Variants in POLD2 observed in about 807,000 individuals in gnomAD.
The protein encoded by POLD2 is DNA polymerase delta subunit 2.
Under a neutral mutation model 48.8 loss-of-function variants are expected in POLD2, and 31 were observed. That is an observed-to-expected ratio of 0.64 (90% CI 0.48 to 0.86). The LOEUF is 0.86. Among genes scored for constraint, POLD2 ranks in the 40% least tolerant of loss-of-function variants. The probability of loss-of-function intolerance (pLI) is 0.00; values close to 1 mark genes in which losing one functional copy is unlikely to be tolerated. For synonymous variants in POLD2, 233 were observed against 256.3 expected, an observed-to-expected ratio of 0.91 and a Z score of 0.87; for missense variants, 455 against 610.1, an observed-to-expected ratio of 0.75 and a Z score of 2.68.
chr7:44,116,378 C>T lies in POLD2; in HGVS notation c.861+52G>A, dbSNP rs2096239361. 4 of 1,584,620 alleles carry T rather than the reference C, an allele frequency of 2.5e-6. No individual in the cohort carries two copies. The highest frequency in any genetic ancestry group is 3.4e-6 in the Non-Finnish European group (4 of 1,163,022). ...CTGCCTGCCTTCTGTTGCCCAGTGGCAGCTTTGAAGACTGCAATCCCCATC... is the reference window on the plus strand; with the variant it reads ...CTGCCTGCCTTCTGTTGCCCAGTGGTAGCTTTGAAGACTGCAATCCCCATC... On this transcript the variant is annotated intron_variant, in intron 7 of 10. Transcript: ENST00000610533. The surrounding 1 kb of genome is among the most constrained non-coding windows in gnomAD (Gnocchi z 6.1).
chr7:44,115,979 T>A (rs2096238462), intron 8 of POLD2, 86 bp from the exon 9 acceptor site: 20 of 1,602,516 alleles, frequency 1.2e-5, no homozygotes, highest in African/African-American at 2.7e-5. Context: ...CTTGTGGGGA[T>A]GCCCCAGAGA....
chr7:44,117,063 C>A, intron 5 of POLD2, 48 bp from the exon 6 acceptor site: 1 of 1,608,500 alleles, frequency 6.2e-7, no homozygotes, highest in Non-Finnish European at 8.5e-7. Flanking sequence ...GGGAGGCAGC[C>A]CCTCCTAGGT....
At chr7:44,123,779 C>A (rs779215026), upstream of POLD2, 9 of 1,220,484 alleles carry the variant, frequency 7.4e-6, no homozygotes, top group African/African-American at 1.6e-5. Context: ...GGTTGGCGGC[C>A]GCGCGTGCAG....
Position 44,116,928 on chromosome 7 carries a change from C to G in POLD2, c.669G>C (p.Thr223=), listed in dbSNP as rs201815146. ...LGTQLLVDVV[T]GQLGDEGEQC... is the part of the protein sequence containing the mutation. ...GCTCCCCTTCGTCCCCAAGCTGCCC[C>G]GTCACCACATCCACCAGCAGCTGGG... The change falls in exon 6 of 11, where the codon ACG becomes ACC. Residue 223 remains threonine, a synonymous_variant. Transcript: ENST00000610533. This position sits in a 1 kb window ranked among gnomAD's most constrained non-coding sequence, Gnocchi z 6.1. 6.2e-7 allele frequency: 1 copy of G among 1,613,910 alleles called. No individual in the cohort carries two copies. Among genetic ancestry groups the G allele is most frequent in the Admixed American group, 1.7e-5 (1 of 60,026 alleles).
intron 1 of POLD2, chr7:44,123,181 G>A (rs1583572047): frequency 8.5e-7 from 1 of 1,178,474 alleles, no homozygotes. Flanking sequence ...ACACCTACTA[G>A]AAAGTTAAAA....
At chr7:44,118,165 G>A in intron 2 of POLD2, 101 bp from the exon 3 acceptor site, 2 of 1,270,168 alleles carry the variant, frequency 1.6e-6, no homozygotes, top group East Asian at 2.7e-5. Context: ...CAATCACAGG[G>A]CCCTGGCCTT....
At chr7:44,115,594 G>GA in intron 9 of POLD2, 172 bp downstream of exon 9, 1 of 815,300 alleles carries the variant, frequency 1.2e-6, no homozygotes, top group Middle Eastern at 3.7e-4. Flanking sequence ...ATTGGCCTTA[G>GA]AATTAAGATT....
intron 9 of POLD2, 70 bp downstream of exon 9, chr7:44,115,696 C>G: frequency 1.9e-6 from 3 of 1,553,212 alleles, no homozygotes; most frequent in Non-Finnish European, 2.6e-6. Context: ...ACAGGGGGAC[C>G]CTGTGCACTT....
Position 44,116,768 on chromosome 7 carries a change from C to T in POLD2, c.780+49G>A. On this transcript the variant is annotated intron_variant, in intron 6 of 10. Transcript: ENST00000610533. This position sits in a 1 kb window ranked among gnomAD's most constrained non-coding sequence, Gnocchi z 6.1. ...CCCTGGGGAAGGAGGGTCTTACAGG[C>T]TTGCAGGCTCCTGGGCTGGGGCTGA... 9 of 1,594,504 alleles carry T rather than the reference C, an allele frequency of 5.6e-6. No individual in the cohort carries two copies. The highest frequency in any genetic ancestry group is 7.7e-6 in the Non-Finnish European group (9 of 1,165,412).
At position 44,117,175 on chromosome 7, in the gene POLD2, T is replaced by C. The variant is rs1229553586; in HGVS notation, c.539A>G (p.Asp180Gly). ...GGGTGCGGGCTTCTGGGGAGCAAGG[T>C]CAGCAAAGCAATAGTCCTCCACCAG... ...KFLVEDYCFA[D>G]LAPQKPAPPL... Residue 180 changes from aspartate (D) to glycine (G), a missense_variant, in exon 5 of 11, where the codon GAC becomes GGC. By Grantham distance (94) the Asp-to-Gly change is moderately conservative. This residue lies in a region of POLD2 where 349 missense variants were observed against 437.4 expected (regional missense o/e 0.80). Transcript: ENST00000610533. 6.2e-7 allele frequency: 1 copy of C among 1,613,936 alleles called. No homozygotes were observed. The highest frequency in any genetic ancestry group is 1.1e-5 in the South Asian group (1 of 91,068).
In POLD2 at chr7:44,116,016, T is replaced by G. The variant is rs1430419271; in HGVS notation, c.1019+99A>C. Reference sequence around the variant, plus strand: ...AAGGAACAGATGCTAGGTGGGCCTCTGCAGCCCTGCCACCTTCCTGGGCCC... The same window carrying G: ...AAGGAACAGATGCTAGGTGGGCCTCGGCAGCCCTGCCACCTTCCTGGGCCC... On this transcript the variant is annotated intron_variant, in intron 8 of 10. Transcript: ENST00000610533. This position sits in a 1 kb window ranked among gnomAD's most constrained non-coding sequence, Gnocchi z 6.1. 8.1e-6 allele frequency: 13 copies of G among 1,596,032 alleles called. No homozygotes were observed. Among genetic ancestry groups the G allele is most frequent in the Non-Finnish European group, 1.1e-5 (13 of 1,166,164 alleles).
chr7:44,116,697 G>A lies in POLD2; in HGVS notation c.780+120C>T. The A allele has an allele frequency of 8.8e-7, 1 of 1,142,604 alleles. No homozygotes were observed. The highest frequency in any genetic ancestry group is 1.3e-6 in the Non-Finnish European group (1 of 791,550). 70.8% of individuals were successfully genotyped at this position (1,142,604 alleles called of 1,614,324 possible). ...TGCAGGAGGCCCCAGAGTCACTGCA[G>A]GGCGCTTCCCACCGACCTGCGAGAC... On this transcript the variant is annotated intron_variant, in intron 6 of 10. Transcript: ENST00000610533. The surrounding 1 kb of genome is among the most constrained non-coding windows in gnomAD (Gnocchi z 6.1).
rs559622587 is a variant in POLD2, at chr7:44,122,382, A to T, written c.-56-273T>A. 3.2e-4 allele frequency: 378 copies of T among 1,191,760 alleles called. 1 individual carries two copies. The African/African-American group carries it at 5.4e-3, about 17-fold the overall frequency. The allele number at this position is 1,191,760 out of a possible 1,614,324, so 73.8% of individuals were successfully genotyped here. ...GACTCAGGTGTCCTGTTCCATCTGG[A>T]CAACTACCAGGGTCTCAATCAAGTT... is the stretch of plus-strand genomic sequence containing the variant. On this transcript the variant is annotated intron_variant, in intron 1 of 10. Coordinates refer to ENST00000610533, the MANE Select transcript of POLD2 (RefSeq NM_006230.4).
intron 1 of POLD2, 100 bp downstream of exon 1, chr7:44,123,411 G>C: frequency 1.4e-6 from 2 of 1,453,282 alleles, no homozygotes; most frequent in South Asian, 2.7e-5. Flanking sequence ...CGGCAGCTGC[G>C]GGACGTCCGC....
chr7:44,115,389 G>T lies in POLD2; in HGVS notation c.1155C>A (p.Tyr385Ter). 1.2e-6 allele frequency: 2 copies of T among 1,608,250 alleles called. No individual in the cohort carries two copies. The highest frequency in any genetic ancestry group is 1.7e-6 in the Non-Finnish European group (2 of 1,174,598). The change falls in exon 10 of 11, where the codon TAC becomes TAA. Residue 385 changes from tyrosine to a stop codon, truncating the protein, a stop_gained. Transcript: ENST00000610533. LOFTEE classifies it high-confidence loss of function. ...TGAACGGGTCAGTTTTGTAGAAGGG[G>T]TAACAACCTGGAGGAGAAGGGGCAG... ...SPTAPDTLGCYPFYKTDPFIF... is the reference protein window; with the variant it reads ...SPTAPDTLGC
chr7:44,114,966 AC>A, intron 10 of POLD2, 21 bp from the exon 11 acceptor site: 2 of 1,588,154 alleles, frequency 1.3e-6, no homozygotes, highest in Non-Finnish European at 1.7e-6. Flanking sequence ...GTCACATAGG[AC>A]CCACTGTAGG....
intron 2 of POLD2, among the ~76,000 whole-genome samples, chr7:44,119,334 C>G (rs1409717379): frequency 6.6e-6 from 1 of 152,132 alleles, no homozygotes; most frequent in Non-Finnish European, 1.5e-5. Flanking sequence ...GGATGCCAGA[C>G]CAGCCCCTTA....
chr7:44,117,737 G>A lies in POLD2; in HGVS notation c.348C>T (p.Asn116=), dbSNP rs2096242451. The part of the protein sequence containing the change: ...SILREVSEEH[N]LLPQPPRSKY... ...TACTCCGAGGAGGCTGGGGGAGCAG[G>A]TTGTGCTGGAATGCAGAGACAGGAG... The change falls in exon 4 of 11, where the codon AAC becomes AAT. Residue 116 remains asparagine (N), a synonymous_variant. Transcript: ENST00000610533. 3 of 1,613,762 alleles carry A rather than the reference G, an allele frequency of 1.9e-6. No individual in the cohort carries two copies. Among genetic ancestry groups the A allele is most frequent in the Non-Finnish European group, 2.5e-6 (3 of 1,179,932 alleles).
rs970736013 is a variant in POLD2 at position 44,122,152 on chromosome 7, C to T, written c.-56-43G>A. 5 of 1,502,736 alleles carry T rather than the reference C, an allele frequency of 3.3e-6. No individual in the cohort carries two copies. The African/African-American group carries it at 4.1e-5, about 12-fold the overall frequency. 93.1% of individuals were successfully genotyped at this position (1,502,736 alleles called of 1,614,324 possible). Reference sequence around the variant, plus strand: ...CATTCCTGCTGCCCCTGTCCATCCCCCAAAGCAGCAGCTCTCCTGGTGTCT... The same window carrying T: ...CATTCCTGCTGCCCCTGTCCATCCCTCAAAGCAGCAGCTCTCCTGGTGTCT... On this transcript the variant is annotated intron_variant, in intron 1 of 10. Coordinates refer to ENST00000610533, the MANE Select transcript of POLD2 (RefSeq NM_006230.4).
Sources: gnomAD v4.1 joint callset for allele counts (sites outside exome capture counted in the v4.1 genomes callset) on GRCh38, gnomAD v4.1.1 for gene constraint, gnomAD v4.1.1 regional missense constraint, Gnocchi (gnomAD v3.1) non-coding constraint, MANE v1.5 for transcripts, NCBI Gene and HGNC (gene_info 2026-07-23, HGNC 2026-07-21) for gene names.